The following STK32B variants were observed in gnomAD, a reference collection of about 807,000 sequenced individuals.
The protein encoded by STK32B is serine/threonine kinase 32B.
In STK32B, 43 loss-of-function variants were observed where a neutral mutation model predicts 52.6. The ratio of observed to expected loss-of-function variants is 0.82; its 90% CI spans 0.64 to 1.05. The LOEUF is 1.05. Among genes scored for constraint, STK32B ranks in the 50% least tolerant of loss-of-function variants. The pLI, the probability that STK32B is intolerant of heterozygous loss-of-function variation, is 0.00. For missense variants in STK32B, 621 were observed against 534.6 expected, an observed-to-expected ratio of 1.16 and a Z score of -1.59; for synonymous variants, 238 against 204.3, an observed-to-expected ratio of 1.17 and a Z score of -1.41.
chr4:5,182,543 C>T (rs903682815), intron 3 of STK32B, among the ~76,000 whole-genome samples: 3 of 151,874 alleles, frequency 2.0e-5, no homozygotes, highest in African/African-American at 7.3e-5. Context: ...CTCACTGCAA[C>T]CTCTGCCTCC....
chr4:5,259,628 G>C (rs1251207811), intron 3 of STK32B, among the ~76,000 whole-genome samples: 1 of 152,112 alleles, frequency 6.6e-6, no homozygotes, highest in African/African-American at 2.4e-5. Flanking sequence ...CACAGTAAAT[G>C]CTCAGTGAGT....
At chr4:5,067,972 A>G (rs997273865) in intron 1 of STK32B, among the ~76,000 whole-genome samples, 2 of 152,104 alleles carry the variant, frequency 1.3e-5, no homozygotes, top group Admixed American at 1.3e-4. Flanking sequence ...CTCATGATCC[A>G]ATCACCTCCC....
intron 5 of STK32B, among the ~76,000 whole-genome samples, chr4:5,415,855 C>T (rs1415114344): frequency 6.6e-6 from 1 of 152,138 alleles, no homozygotes; most frequent in Admixed American, 6.5e-5. Flanking sequence ...GGCTTCTCAG[C>T]ATGCCTCAAT....
At chr4:5,428,191 A>G (rs1041721512) in intron 6 of STK32B, among the ~76,000 whole-genome samples, 1 of 152,084 alleles carries the variant, frequency 6.6e-6, no homozygotes, top group Non-Finnish European at 1.5e-5. Flanking sequence ...GCGGATCACA[A>G]GGTCAGGAGA....
At chr4:5,118,427 A>T (rs949337946) in intron 1 of STK32B, among the ~76,000 whole-genome samples, 1 of 152,050 alleles carries the variant, frequency 6.6e-6, no homozygotes, top group Non-Finnish European at 1.5e-5. Context: ...CTTTTCTTGG[A>T]TTTTCAAAAA....
At chr4:5,338,877 A>G (rs1365148750) in intron 4 of STK32B, among the ~76,000 whole-genome samples, 1 of 152,200 alleles carries the variant, frequency 6.6e-6, no homozygotes, top group African/African-American at 2.4e-5. Flanking sequence ...GACTGGGCTA[A>G]AGGATGCCCA....
intron 3 of STK32B, among the ~76,000 whole-genome samples, chr4:5,175,988 G>A (rs1719848441): frequency 1.3e-5 from 2 of 152,250 alleles, no homozygotes; most frequent in South Asian, 4.1e-4. Flanking sequence ...ACCTACGCAA[G>A]CCTTGGCAAT....
In STK32B at chr4:5,059,052, C is replaced by CTTTTTTTTTTTTTTTTTTTTT. The variant is rs3072775; in HGVS notation, c.52+7146_52+7166dup. Among the ~76,000 whole-genome samples the CTTTTTTTTTTTTTTTTTTTTT allele has an allele frequency of 6.6e-4, 57 of 86,912 alleles. 13 individuals carry two copies. Among genetic ancestry groups the CTTTTTTTTTTTTTTTTTTTTT allele is most frequent in the East Asian group, 1.5e-3 (4 of 2,584 alleles). 57.0% of individuals were successfully genotyped at this position (86,912 alleles called of 152,430 possible). A position where few individuals can be genotyped will look rare whatever the true frequency, so the allele number is the denominator to read the frequency against. The stretch of plus-strand genomic sequence containing the variant: ...AGGCGTGAGCCACCACGCCCAGCTG[C>CTTTTTTTTTTTTTTTTTTTTT]TTTTTTTTTTTTTTTTTTTTTTTTT... On this transcript the variant is annotated intron_variant, in intron 1 of 11. Coordinates refer to ENST00000282908, the MANE Select transcript of STK32B (RefSeq NM_018401.3).
At chr4:5,321,852 C>G (rs1289690384) in intron 3 of STK32B, among the ~76,000 whole-genome samples, 1 of 152,044 alleles carries the variant, frequency 6.6e-6, no homozygotes, top group Non-Finnish European at 1.5e-5. Flanking sequence ...TTGAGAGGTT[C>G]TCATCTTGTC....
intron 3 of STK32B, among the ~76,000 whole-genome samples, chr4:5,190,634 G>A (rs1721113379): frequency 6.6e-6 from 1 of 152,172 alleles, no homozygotes; most frequent in African/African-American, 2.4e-5. Flanking sequence ...TGGACACGGA[G>A]ATCGGCAAAA....
chr4:5,459,314 A>G (rs896967924), intron 8 of STK32B, among the ~76,000 whole-genome samples: 2 of 131,330 alleles, frequency 1.5e-5, no homozygotes, highest in African/African-American at 2.8e-5. Context: ...AGTATGTGCC[A>G]GGTCCTTACC....
At chr4:5,407,936 T>C (rs1330566897) in intron 5 of STK32B, among the ~76,000 whole-genome samples, 8 of 152,066 alleles carry the variant, frequency 5.3e-5, no homozygotes, top group Non-Finnish European at 1.0e-4. Context: ...ATAAGTGCCC[T>C]TATTAAAGGG....
chr4:5,401,598 A>T (rs575164794), intron 5 of STK32B, among the ~76,000 whole-genome samples: 4 of 152,312 alleles, frequency 2.6e-5, no homozygotes, highest in South Asian at 4.2e-4. Context: ...AGCCAGCTGC[A>T]AAAGCAGAGA....
intron 6 of STK32B, among the ~76,000 whole-genome samples, chr4:5,444,195 C>G (rs993218849): frequency 2.0e-5 from 3 of 152,200 alleles, no homozygotes; most frequent in African/African-American, 4.8e-5. Flanking sequence ...CGCCCCTCCC[C>G]CAGCCTCGCT....
chr4:5,117,354 A>T (rs903875213), intron 1 of STK32B, among the ~76,000 whole-genome samples: 1 of 152,090 alleles, frequency 6.6e-6, no homozygotes, highest in African/African-American at 2.4e-5. Context: ...AAGAATGTTG[A>T]CTTGTGTCAA....
chr4:5,183,826 T>C (rs1720537312), intron 3 of STK32B, among the ~76,000 whole-genome samples: 1 of 152,226 alleles, frequency 6.6e-6, no homozygotes, highest in Non-Finnish European at 1.5e-5. Context: ...TTAAACCTCC[T>C]GAACCAACCT....
chr4:5,254,964 TAA>T (rs1491351461), intron 3 of STK32B, among the ~76,000 whole-genome samples: 1 of 130,696 alleles, frequency 7.7e-6, no homozygotes, highest in Non-Finnish European at 1.5e-5. Flanking sequence ...TATCATTCAC[TAA>T]TATATATATA....
At chr4:5,045,713 T>C in the STK32B span, among the ~76,000 whole-genome samples, 3 of 152,306 alleles carry the variant, frequency 2.0e-5, no homozygotes, top group Non-Finnish European at 2.9e-5. Context: ...TGTGTGCCTA[T>C]TGTTGGTGTA....
At chr4:5,410,142 C>T (rs1711542336) in intron 5 of STK32B, among the ~76,000 whole-genome samples, 2 of 152,108 alleles carry the variant, frequency 1.3e-5, no homozygotes, top group African/African-American at 4.8e-5. Context: ...CAATCAGCGC[C>T]CACGGCTCCA....
Sources: allele counts gnomAD v4.1 joint callset (sites outside exome capture counted in the v4.1 genomes callset), GRCh38; gene constraint gnomAD v4.1.1; transcripts MANE v1.5; gene names NCBI Gene and HGNC (gene_info 2026-07-23, HGNC 2026-07-21).